Variants in CNTN4 observed in about 807,000 individuals in gnomAD.
CNTN4 encodes contactin 4.
CNTN4 carries 77 observed loss-of-function variants against 122.5 expected under a neutral mutation model. The ratio of observed to expected loss-of-function variants is 0.63; its 90% CI spans 0.52 to 0.76. The LOEUF (loss-of-function observed/expected upper bound fraction) is 0.76, where lower values mean the gene tolerates loss of function less well. Among genes scored for constraint, CNTN4 ranks in the 30% least tolerant of loss-of-function variants. The pLI, the probability that CNTN4 is intolerant of heterozygous loss-of-function variation, is 0.00. For synonymous variants in CNTN4, 512 were observed against 447.0 expected (o/e 1.15, Z -1.83); for missense variants, 1,256 against 1,259.1 (o/e 1.00, Z 0.04).
intron 2 of CNTN4, among the ~76,000 whole-genome samples, chr3:2,291,161 A>G (rs1012571890): frequency 1.3e-5 from 2 of 151,930 alleles, no homozygotes; most frequent in African/African-American, 2.4e-5. Flanking sequence ...CTTTGCTTGG[A>G]TTTATGTAAA....
At chr3:2,915,169 G>T (rs374180336) in intron 12 of CNTN4, among the ~76,000 whole-genome samples, 28 of 152,292 alleles carry the variant, frequency 1.8e-4, no homozygotes, top group African/African-American at 6.7e-4. Flanking sequence ...GGGTTCAAGC[G>T]TATCTCCCAC....
At chr3:2,672,786 C>G (rs1474030180) in intron 4 of CNTN4, among the ~76,000 whole-genome samples, 4 of 152,128 alleles carry the variant, frequency 2.6e-5, no homozygotes, top group Non-Finnish European at 5.9e-5. Flanking sequence ...AGACAGGACC[C>G]TTAATTGGTT....
intron 3 of CNTN4, among the ~76,000 whole-genome samples, chr3:2,447,058 G>A (rs561910522): frequency 1.3e-5 from 2 of 152,222 alleles, no homozygotes; most frequent in Non-Finnish European, 2.9e-5. Flanking sequence ...AAAATTATGG[G>A]AGTTTCATAT....
At chr3:2,276,521 A>C (rs1051125104) in intron 2 of CNTN4, among the ~76,000 whole-genome samples, 1 of 152,090 alleles carries the variant, frequency 6.6e-6, no homozygotes. Context: ...TGCTGGGTCA[A>C]TTAAGTGGTA....
intron 2 of CNTN4, among the ~76,000 whole-genome samples, chr3:2,153,575 T>C (rs748172084): frequency 6.6e-5 from 10 of 151,996 alleles, no homozygotes; most frequent in Non-Finnish European, 1.3e-4. Flanking sequence ...TTTGAGGAGT[T>C]TGTGGGAAGG....
Position 2,514,601 on chromosome 3 carries a change from C to T in CNTN4, c.-88-56815C>T, listed in dbSNP as rs147336123. 1.4e-4 allele frequency among the ~76,000 whole-genome samples: 22 copies of T among 152,268 alleles called. No individual in the cohort carries two copies. In the East Asian group the frequency reaches 4.3e-3, roughly 29 times the overall value. On this transcript the variant is annotated intron_variant, in intron 3 of 24. Coordinates refer to ENST00000418658, the MANE Select transcript of CNTN4 (RefSeq NM_175607.3). Reference sequence around the variant, plus strand: ...AAAGTATACACTCCATTGGTTATCTCTAGTAACAGTGAAAGATTGAGTTAA... The same window carrying T: ...AAAGTATACACTCCATTGGTTATCTTTAGTAACAGTGAAAGATTGAGTTAA...
At chr3:2,277,461 C>A (rs2041558113) in intron 2 of CNTN4, among the ~76,000 whole-genome samples, 1 of 152,138 alleles carries the variant, frequency 6.6e-6, no homozygotes, top group African/African-American at 2.4e-5. Context: ...AAAAGGAATG[C>A]AGTTTTCAGC....
intron 2 of CNTN4, among the ~76,000 whole-genome samples, chr3:2,166,806 T>C (rs568649449): frequency 1.3e-5 from 2 of 152,214 alleles, no homozygotes; most frequent in African/African-American, 4.8e-5. Context: ...AAACATTACT[T>C]ACATATGCTT....
intron 14 of CNTN4, among the ~76,000 whole-genome samples, chr3:2,995,126 A>G (rs1376090068): frequency 1.3e-5 from 2 of 152,166 alleles, no homozygotes; most frequent in South Asian, 4.1e-4. Context: ...TCTGGCCAGA[A>G]CATTTCAATA....
intron 4 of CNTN4, among the ~76,000 whole-genome samples, chr3:2,625,981 G>A (rs933814541): frequency 1.6e-4 from 24 of 152,134 alleles, no homozygotes; most frequent in African/African-American, 5.6e-4. Context: ...ACTTTTGCCT[G>A]TTTGACAATT....
At chr3:2,587,429 C>A (rs1438959596) in intron 4 of CNTN4, among the ~76,000 whole-genome samples, 2 of 152,174 alleles carry the variant, frequency 1.3e-5, no homozygotes, top group Non-Finnish European at 2.9e-5. Flanking sequence ...CACAAATGAT[C>A]CTTGCAAAAT....
intron 4 of CNTN4, among the ~76,000 whole-genome samples, chr3:2,623,155 G>A (rs377217917): frequency 2.6e-5 from 4 of 151,648 alleles, no homozygotes; most frequent in South Asian, 2.1e-4. Context: ...TCATCTTCAC[G>A]TTTTTCAAAA....
intron 6 of CNTN4, among the ~76,000 whole-genome samples, chr3:2,806,988 G>A (rs1417075313): frequency 1.3e-5 from 2 of 152,180 alleles, no homozygotes; most frequent in African/African-American, 2.4e-5. Flanking sequence ...GACACTATGT[G>A]TGATTTGTTT....
At chr3:2,407,509 A>G (rs967200546) in intron 3 of CNTN4, among the ~76,000 whole-genome samples, 9 of 152,308 alleles carry the variant, frequency 5.9e-5, no homozygotes, top group African/African-American at 2.2e-4. Context: ...CTCAAAACAT[A>G]TAAAAATCAT....
intron 4 of CNTN4, among the ~76,000 whole-genome samples, chr3:2,661,198 G>C (rs1423736662): frequency 6.6e-6 from 1 of 152,174 alleles, no homozygotes; most frequent in Admixed American, 6.5e-5. Flanking sequence ...GCATGATTTA[G>C]CTTTTTCTTA....
chr3:2,799,811 A>G (rs907623041), intron 6 of CNTN4, among the ~76,000 whole-genome samples: 2 of 152,138 alleles, frequency 1.3e-5, no homozygotes, highest in African/African-American at 2.4e-5. Context: ...ATTTTTATAT[A>G]TGGTGAGAGA....
At chr3:2,293,451 G>A (rs1033940888) in intron 2 of CNTN4, among the ~76,000 whole-genome samples, 4 of 152,204 alleles carry the variant, frequency 2.6e-5, no homozygotes, top group East Asian at 1.9e-4. Flanking sequence ...TTTATTGCCT[G>A]TGTTCAAATC....
chr3:2,969,308 C>T (rs1026228156), intron 13 of CNTN4, among the ~76,000 whole-genome samples: 2 of 152,110 alleles, frequency 1.3e-5, no homozygotes, highest in African/African-American at 4.8e-5. Flanking sequence ...GAACAAATGT[C>T]TTAGGATGAC....
At chr3:2,631,985 G>A (rs1304241804) in intron 4 of CNTN4, among the ~76,000 whole-genome samples, 1 of 151,748 alleles carries the variant, frequency 6.6e-6, no homozygotes, top group African/African-American at 2.4e-5. Context: ...AAGGAGTTCA[G>A]GGCTGTTGTG....
Sources: gnomAD v4.1 joint callset for allele counts (sites outside exome capture counted in the v4.1 genomes callset) on GRCh38, gnomAD v4.1.1 for gene constraint, MANE v1.5 for transcripts, NCBI Gene and HGNC (gene_info 2026-07-23, HGNC 2026-07-21) for gene names.